ROBO2: variants seen among roughly 807,000 people sequenced by gnomAD.
ROBO2 encodes roundabout guidance receptor 2, also known as roundabout homolog 2.
Under a neutral mutation model 160.8 loss-of-function variants are expected in ROBO2, and 53 were observed. The ratio of observed to expected loss-of-function variants is 0.33; its 90% CI spans 0.26 to 0.41. The LOEUF (loss-of-function observed/expected upper bound fraction) is 0.41, where lower values mean the gene tolerates loss of function less well. Ranked by LOEUF, ROBO2 falls within the 10% of genes least tolerant of loss-of-function variation. The pLI is 1.00. For missense variants in ROBO2, 1,577 were observed against 1,722.4 expected (o/e 0.92, Z 1.49); for synonymous variants, 664 against 611.7 (o/e 1.09, Z -1.26).
intron 2 of ROBO2, among the ~76,000 whole-genome samples, chr3:76,870,403 A>G (rs989105986): frequency 6.6e-6 from 1 of 152,178 alleles, no homozygotes; most frequent in Non-Finnish European, 1.5e-5. Flanking sequence ...CTCTACTTTT[A>G]TAAGTTTCCC....
chr3:77,143,810 T>C (rs534708391), intron 2 of ROBO2, among the ~76,000 whole-genome samples: 3 of 152,190 alleles, frequency 2.0e-5, no homozygotes, highest in African/African-American at 7.2e-5. Context: ...TTGCCCATTT[T>C]TTTTTCATAT....
At chr3:77,401,011 T>G (rs972833932) in intron 2 of ROBO2, among the ~76,000 whole-genome samples, 1 of 151,490 alleles carries the variant, frequency 6.6e-6, no homozygotes, top group Non-Finnish European at 1.5e-5. Context: ...AATAAAAACA[T>G]AGGGTTGTGT....
At chr3:76,713,087 C>T (rs2093325916) in intron 2 of ROBO2, among the ~76,000 whole-genome samples, 3 of 152,106 alleles carry the variant, frequency 2.0e-5, no homozygotes. Flanking sequence ...TCCAAAATTG[C>T]CTGATTTGGA....
At chr3:77,057,662 C>T (rs1198126089) in intron 1 of ROBO2, among the ~76,000 whole-genome samples, 1 of 150,284 alleles carries the variant, frequency 6.7e-6, no homozygotes, top group East Asian at 2.0e-4. Flanking sequence ...CCTCTGCCTC[C>T]TTGGTTCAAG....
chr3:76,967,993 T>G (rs2149268734), intron 2 of ROBO2, among the ~76,000 whole-genome samples: 1 of 152,330 alleles, frequency 6.6e-6, no homozygotes, highest in East Asian at 1.9e-4. Context: ...CTTCCATTTC[T>G]TGACTTTGGA....
chr3:76,101,334 C>T (rs2108166516), intron 2 of ROBO2, among the ~76,000 whole-genome samples: 1 of 152,170 alleles, frequency 6.6e-6, no homozygotes, highest in Non-Finnish European at 1.5e-5. Context: ...CAGTGCCAAC[C>T]TTTATGAGAA....
chr3:75,964,832 A>G (rs1949046635), intron 2 of ROBO2: 2 of 151,734 alleles, frequency 1.3e-5, no homozygotes, highest in Admixed American at 1.3e-4. Flanking sequence ...TGTACACATG[A>G]TCTCAAAGTT....
intron 2 of ROBO2, among the ~76,000 whole-genome samples, chr3:77,102,775 CAG>C (rs1450608130): frequency 7.1e-6 from 1 of 140,080 alleles, no homozygotes; most frequent in Admixed American, 7.6e-5. Context: ...AACAATACAG[CAG>C]AGGGAAAAAA....
intron 2 of ROBO2, among the ~76,000 whole-genome samples, chr3:76,022,636 G>A (rs1490065717): frequency 1.3e-5 from 2 of 151,616 alleles, no homozygotes; most frequent in African/African-American, 4.8e-5. Context: ...CTGAGCAGTA[G>A]GTCTCAAGAG....
intron 2 of ROBO2, among the ~76,000 whole-genome samples, chr3:76,018,026 G>T (rs776945401): frequency 1.6e-4 from 25 of 151,994 alleles, no homozygotes; most frequent in Non-Finnish European, 2.6e-4. Flanking sequence ...AAAAGCTTGT[G>T]TTTTCTCTTT....
intron 2 of ROBO2, among the ~76,000 whole-genome samples, chr3:76,794,834 A>T (rs2108771081): frequency 6.6e-6 from 1 of 152,058 alleles, no homozygotes; most frequent in African/African-American, 2.4e-5. Flanking sequence ...AAACCTCATC[A>T]TTTTTTCTAA....
chr3:76,269,828 A>T lies in ROBO2; in HGVS notation c.109+332226A>T, dbSNP rs188972673. On this transcript the variant is annotated intron_variant, in intron 2 of 26. Transcript: ENST00000487694. ...ATACTTACCTGCAAGTCCTTCTTAT[A>T]TTTGAAAATTGACATGGAACATTAA... 3.3e-5 allele frequency among the ~76,000 whole-genome samples: 5 copies of T among 152,130 alleles called. No homozygotes were observed. The East Asian group carries it at 9.7e-4, about 29-fold the overall frequency.
rs532516531 is a variant in ROBO2 at position 76,622,257 on chromosome 3, A to G, written c.110-475757A>G. Among the ~76,000 whole-genome samples the G allele has an allele frequency of 2.4e-3, 148 of 61,732 alleles. 2 individuals carry two copies. Among genetic ancestry groups the G allele is most frequent in the African/African-American group, 3.2e-3 (48 of 14,982 alleles). The allele number at this position is 61,732 out of a possible 152,430, so 40.5% of individuals were successfully genotyped here. A position where few individuals can be genotyped will look rare whatever the true frequency, so the allele number is the denominator to read the frequency against. On this transcript the variant is annotated intron_variant, in intron 2 of 26. Transcript: ENST00000487694. ...AAGGAAGAAAGAAAGAAAGAAAGAA[A>G]GAAAGAAAGAAAGAAAGAAAGAAAG...
At chr3:77,021,888 G>T (rs1415479939) in intron 2 of ROBO2, among the ~76,000 whole-genome samples, 2 of 152,132 alleles carry the variant, frequency 1.3e-5, no homozygotes, top group Non-Finnish European at 2.9e-5. Flanking sequence ...TTCACCAGAT[G>T]AAGCCCCTTG....
At chr3:76,088,848 G>A (rs1241959315) in intron 2 of ROBO2, among the ~76,000 whole-genome samples, 2 of 151,664 alleles carry the variant, frequency 1.3e-5, no homozygotes, top group African/African-American at 4.8e-5. Flanking sequence ...GCAGAGAAAA[G>A]AAATAATAAA....
At chr3:76,671,526 A>G (rs906219467) in intron 2 of ROBO2, among the ~76,000 whole-genome samples, 1 of 152,182 alleles carries the variant, frequency 6.6e-6, no homozygotes, top group African/African-American at 2.4e-5. Flanking sequence ...AAGCATAGAT[A>G]TGAAAATTCC....
At chr3:77,227,772 A>G (rs2086660763) in intron 2 of ROBO2, among the ~76,000 whole-genome samples, 1 of 152,240 alleles carries the variant, frequency 6.6e-6, no homozygotes, top group Non-Finnish European at 1.5e-5. Flanking sequence ...ACTCAAGTCA[A>G]TCAAATAACC....
At chr3:77,280,774 G>T (rs2060191757) in intron 2 of ROBO2, among the ~76,000 whole-genome samples, 1 of 152,112 alleles carries the variant, frequency 6.6e-6, no homozygotes. Context: ...ATTTGCCATG[G>T]TTCAACTTCC....
intron 2 of ROBO2, among the ~76,000 whole-genome samples, chr3:76,177,965 A>G (rs2073289422): frequency 6.6e-6 from 1 of 152,146 alleles, no homozygotes; most frequent in Admixed American, 6.6e-5. Context: ...TGCTACGTCT[A>G]AAGGTATGAC....
Sources: allele counts gnomAD v4.1 joint callset (sites outside exome capture counted in the v4.1 genomes callset), GRCh38; gene constraint gnomAD v4.1.1; transcripts MANE v1.5; gene names NCBI Gene and HGNC (gene_info 2026-07-23, HGNC 2026-07-21).